SYNPO2: variants seen among roughly 807,000 people sequenced by gnomAD.
SYNPO2 encodes synaptopodin-2.
A neutral mutation model predicts 85.0 loss-of-function variants in SYNPO2; 56 were observed. That is an observed-to-expected ratio of 0.66 (90% CI 0.53 to 0.82). SYNPO2 has a LOEUF of 0.82. SYNPO2 is among the 40% of genes least tolerant of loss of function. The pLI, the probability that SYNPO2 is intolerant of heterozygous loss-of-function variation, is 0.00. For missense variants in SYNPO2, 1,575 were observed against 1,534.2 expected, an observed-to-expected ratio of 1.03 and a Z score of -0.44; for synonymous variants, 602 against 591.1, an observed-to-expected ratio of 1.02 and a Z score of -0.27.
intron 1 of SYNPO2, among the ~76,000 whole-genome samples, chr4:118,993,742 C>T (rs530607357): frequency 2.6e-5 from 4 of 152,308 alleles, no homozygotes; most frequent in African/African-American, 9.6e-5. Context: ...TCTCTCTTCC[C>T]ATGTTTTTCC....
At chr4:119,036,612 A>C in intron 4 of SYNPO2, 1 of 985,452 alleles carries the variant, frequency 1.0e-6, no homozygotes. Flanking sequence ...ATGGTTCTAG[A>C]AAAAATAGTA....
At chr4:118,935,319 G>GC (rs1734063531) in intron 1 of SYNPO2, among the ~76,000 whole-genome samples, 1 of 152,124 alleles carries the variant, frequency 6.6e-6, no homozygotes, top group Non-Finnish European at 1.5e-5. Context: ...AATATACACA[G>GC]CCAGAATGAG....
chr4:118,907,152 A>C (rs1356853844), intron 1 of SYNPO2, among the ~76,000 whole-genome samples: 1 of 152,092 alleles, frequency 6.6e-6, no homozygotes, highest in Admixed American at 6.6e-5. Flanking sequence ...TCTTTTCCTT[A>C]TAACTTTTTA....
chr4:118,894,047 A>G (rs1392284230), intron 1 of SYNPO2, among the ~76,000 whole-genome samples: 1 of 150,446 alleles, frequency 6.6e-6, no homozygotes, highest in African/African-American at 2.4e-5. Context: ...ATATGAATAT[A>G]TATTATATAT....
intron 1 of SYNPO2, among the ~76,000 whole-genome samples, chr4:118,960,119 A>G (rs369459207): frequency 6.6e-6 from 1 of 152,168 alleles, no homozygotes; most frequent in African/African-American, 2.4e-5. Context: ...GTGGGAAGAA[A>G]CAAGAAGTGA....
chr4:118,866,295 C>T (rs1731698536), intron 1 of SYNPO2, among the ~76,000 whole-genome samples: 1 of 152,134 alleles, frequency 6.6e-6, no homozygotes, highest in Admixed American at 6.6e-5. Context: ...TCCCACTCCC[C>T]GACCCCCACA....
chr4:118,867,419 G>C, intron 1 of SYNPO2, among the ~76,000 whole-genome samples: 1 of 150,520 alleles, frequency 6.6e-6, no homozygotes, highest in East Asian at 2.0e-4. Context: ...AAAGGGTTTA[G>C]TTTTACCATT....
chr4:118,985,055 A>G (rs549805844), intron 1 of SYNPO2, among the ~76,000 whole-genome samples: 2 of 152,310 alleles, frequency 1.3e-5, no homozygotes, highest in Admixed American at 1.3e-4. Flanking sequence ...TAATGTGAAG[A>G]TTCCCAGGCT....
intron 4 of SYNPO2, among the ~76,000 whole-genome samples, chr4:119,040,360 G>T (rs1268864157): frequency 6.6e-6 from 1 of 152,188 alleles, no homozygotes; most frequent in African/African-American, 2.4e-5. Context: ...ATTCCCAGGA[G>T]TCGTTGAGAG....
chr4:118,882,600 T>G (rs1378272534), intron 1 of SYNPO2, among the ~76,000 whole-genome samples: 1 of 152,028 alleles, frequency 6.6e-6, no homozygotes, highest in African/African-American at 2.4e-5. Context: ...ATATGTGCTC[T>G]CTCTCTCTCA....
chr4:119,027,460 A>C, intron 3 of SYNPO2, 22 bp downstream of exon 3: 1 of 1,557,248 alleles, frequency 6.4e-7, no homozygotes, highest in Non-Finnish European at 8.7e-7. Context: ...CTGGGCTTTC[A>C]GAAGGGGCTT....
At chr4:118,987,186 A>C (rs1736251596) in intron 1 of SYNPO2, among the ~76,000 whole-genome samples, 1 of 152,240 alleles carries the variant, frequency 6.6e-6, no homozygotes, top group African/African-American at 2.4e-5. Context: ...TAAAGGTAGA[A>C]TAAAAGAAGA....
Position 119,031,961 on chromosome 4 carries a change from C to T in SYNPO2, c.3186C>T (p.Ala1062=). 2 of 1,614,244 alleles carry T rather than the reference C, an allele frequency of 1.2e-6. No homozygotes were observed. Among genetic ancestry groups the T allele is most frequent in the Non-Finnish European group, 1.7e-6 (2 of 1,180,050 alleles). Residue 1062 remains alanine, a synonymous_variant, in exon 4 of 5, where the codon GCC becomes GCT. Transcript: ENST00000307142. ...GIPTSPKQES[A]SSSYFVAPRP... is the part of the protein sequence containing the mutation. ...CCACCTCGCCAAAGCAAGAATCAGC[C>T]TCATCATCTTATTTTGTGGCACCAA...
chr4:119,028,774 T>A (rs79155174), intron 3 of SYNPO2, among the ~76,000 whole-genome samples: 1 of 96,562 alleles, frequency 1.0e-5, no homozygotes, highest in Non-Finnish European at 2.4e-5. Flanking sequence ...TAGTCAAAAA[T>A]TTTTTCTTAA....
intron 1 of SYNPO2, among the ~76,000 whole-genome samples, chr4:118,853,329 A>G (rs1206421916): frequency 6.6e-6 from 1 of 152,154 alleles, no homozygotes; most frequent in Non-Finnish European, 1.5e-5. Context: ...TTTGCCCAAG[A>G]TGATCCCCAC....
At chr4:118,922,651 C>T (rs1733578136) in intron 1 of SYNPO2, among the ~76,000 whole-genome samples, 1 of 151,180 alleles carries the variant, frequency 6.6e-6, no homozygotes, top group African/African-American at 2.4e-5. Flanking sequence ...CATCTTTGTT[C>T]ATGTAACCAA....
intron 1 of SYNPO2, among the ~76,000 whole-genome samples, chr4:118,892,593 A>G (rs1732412369): frequency 6.6e-6 from 1 of 152,142 alleles, no homozygotes. Context: ...ATCCTCATAT[A>G]AAGGAGTGGG....
intron 1 of SYNPO2, among the ~76,000 whole-genome samples, chr4:119,009,775 C>A (rs1737221779): frequency 1.3e-5 from 2 of 152,210 alleles, no homozygotes; most frequent in Admixed American, 1.3e-4. Context: ...AAGTTATTAA[C>A]CACCATCTTA....
chr4:118,976,069 G>C lies in SYNPO2; in HGVS notation c.106-47361G>C, dbSNP rs150060660. 2.6e-5 allele frequency among the ~76,000 whole-genome samples: 4 copies of C among 152,352 alleles called. No homozygotes were observed. In the East Asian group the frequency reaches 7.7e-4, roughly 29 times the overall value. On this transcript the variant is annotated intron_variant, in intron 1 of 4. Transcript: ENST00000307142. ...GCCCAATAACTGGATTGACTCTAGT[G>C]ACTTTGTGTCCAGAATTGGTGGGTT...
Sources: allele counts gnomAD v4.1 joint callset (sites outside exome capture counted in the v4.1 genomes callset), GRCh38; gene constraint gnomAD v4.1.1; transcripts MANE v1.5; gene names NCBI Gene and HGNC (gene_info 2026-07-23, HGNC 2026-07-21).